Variants in PCDHA1 observed in about 807,000 individuals in gnomAD.
The protein encoded by PCDHA1 is protocadherin alpha 1, also known as protocadherin alpha-1.
In PCDHA1, 42 loss-of-function variants were observed where a neutral mutation model predicts 61.3. That is an observed-to-expected ratio of 0.69 (90% confidence interval 0.54 to 0.89). The LOEUF (loss-of-function observed/expected upper bound fraction) is 0.89. PCDHA1 is among the 40% of genes least tolerant of loss of function. PCDHA1 has a pLI of 0.00. For missense variants in PCDHA1, 1,256 were observed against 1,235.3 expected, an observed-to-expected ratio of 1.02 and a Z score of -0.25; for synonymous variants, 610 against 553.8, an observed-to-expected ratio of 1.10 and a Z score of -1.43.
chr5:140,919,847 G>A (rs1309572866), intron 1 of PCDHA1, among the ~76,000 whole-genome samples: 1 of 152,200 alleles, frequency 6.6e-6, no homozygotes, highest in East Asian at 1.9e-4. Flanking sequence ...TTTGGAACCT[G>A]TGACCTCATT....
At chr5:140,803,406 C>T in intron 1 of PCDHA1, 1 of 1,614,226 alleles carries the variant, frequency 6.2e-7, no homozygotes. Flanking sequence ...GCCGGGCAAG[C>T]CCACGCTGGT....
At chr5:140,835,755 C>G (rs782724807) in intron 1 of PCDHA1, 1 of 1,613,410 alleles carries the variant, frequency 6.2e-7, no homozygotes, top group Non-Finnish European at 8.5e-7. Flanking sequence ...GTTCGCGCAG[C>G]CCGAGTATAC....
intron 1 of PCDHA1, among the ~76,000 whole-genome samples, chr5:140,944,007 C>T (rs1181625750): frequency 1.3e-5 from 2 of 152,046 alleles, no homozygotes; most frequent in Non-Finnish European, 2.9e-5. Flanking sequence ...TGAGTACCCC[C>T]CAAAAGCAAT....
intron 1 of PCDHA1, chr5:140,877,110 C>A (rs1554169339): frequency 1.1e-5 from 18 of 1,613,500 alleles, no homozygotes; most frequent in Middle Eastern, 1.7e-4. Flanking sequence ...CGCCTCTGGG[C>A]AGCAACGTGA....
At chr5:140,872,270 T>G (rs1246364406) in intron 1 of PCDHA1, among the ~76,000 whole-genome samples, 1 of 152,172 alleles carries the variant, frequency 6.6e-6, no homozygotes, top group African/African-American at 2.4e-5. Context: ...TCATATTGTT[T>G]GAAGAAAAAA....
intron 1 of PCDHA1, chr5:140,870,398 C>T: frequency 1.2e-6 from 2 of 1,614,234 alleles, no homozygotes; most frequent in Non-Finnish European, 1.7e-6. Context: ...GGGGGTTCGC[C>T]TTCTCTGTGG....
chr5:140,870,746 TGACG>T, intron 1 of PCDHA1: 1 of 1,613,488 alleles, frequency 6.2e-7, no homozygotes, highest in Non-Finnish European at 8.5e-7. Context: ...AGCAGCAACG[TGACG>T]CTGCAGGTGT....
intron 3 of PCDHA1, among the ~76,000 whole-genome samples, chr5:141,000,018 A>G (rs2097889437): frequency 6.6e-6 from 1 of 152,038 alleles, no homozygotes; most frequent in East Asian, 1.9e-4. Flanking sequence ...CCCCATTGCT[A>G]AGCCTGACAT....
At chr5:140,929,241 T>TG (rs2085975080) in intron 1 of PCDHA1, 1 of 1,613,878 alleles carries the variant, frequency 6.2e-7, no homozygotes. Context: ...TGCGAAATCT[T>TG]GCCACTGGGG....
At position 140,787,860 on chromosome 5, in the gene PCDHA1, G is replaced by A; in HGVS notation, c.1570G>A (p.Asp524Asn). Residue 524 changes from aspartate (D) to asparagine (N), a missense_variant, in exon 1 of 4, where the codon GAC (aspartate) becomes AAC (asparagine). Physicochemically the swap from Asp to Asn is conservative, Grantham distance 23. Coordinates refer to ENST00000504120, the MANE Select transcript of PCDHA1 (RefSeq NM_018900.4). ...SGKVYALQPL[D>N]HEELELLQFQ... ...CAAGGTGTACGCACTGCAGCCCCTGGACCACGAGGAGCTGGAGCTGCTGCA... is the reference window on the plus strand; with the variant it reads ...CAAGGTGTACGCACTGCAGCCCCTGAACCACGAGGAGCTGGAGCTGCTGCA... The A allele has an allele frequency of 2.5e-6, 4 of 1,613,008 alleles. No homozygotes were observed. Among genetic ancestry groups the A allele is most frequent in the Non-Finnish European group, 3.4e-6 (4 of 1,179,840 alleles).
At chr5:140,916,606 C>A (rs561641984) in intron 1 of PCDHA1, among the ~76,000 whole-genome samples, 1 of 152,168 alleles carries the variant, frequency 6.6e-6, no homozygotes, top group African/African-American at 2.4e-5. Context: ...GGAATGCGGG[C>A]CTCATGACTC....
At chr5:141,001,975 G>C (rs900969211) in intron 3 of PCDHA1, among the ~76,000 whole-genome samples, 8 of 152,184 alleles carry the variant, frequency 5.3e-5, no homozygotes, top group African/African-American at 1.9e-4. Flanking sequence ...GTCTCTGCGC[G>C]GAAAGCCTGG....
In PCDHA1 at chr5:140,882,469, G is replaced by C; in HGVS notation, c.2394+93785G>C. Reference sequence around the variant, plus strand: ...TGGTGCCGCGCCTGTTCCGGGTGGCGTCCAAAAGACACGGGGACCTTCTGG... The same window carrying C: ...TGGTGCCGCGCCTGTTCCGGGTGGCCTCCAAAAGACACGGGGACCTTCTGG... On this transcript the variant is annotated intron_variant, in intron 1 of 3. Coordinates refer to ENST00000504120, the MANE Select transcript of PCDHA1 (RefSeq NM_018900.4). The C allele has an allele frequency of 1.2e-6, 2 of 1,614,032 alleles. 1 individual carries two copies. Among genetic ancestry groups the C allele is most frequent in the South Asian group, 2.2e-5 (2 of 91,072 alleles).
chr5:140,805,556 G>A, intron 1 of PCDHA1: 1 of 977,096 alleles, frequency 1.0e-6, no homozygotes, highest in Non-Finnish European at 1.2e-6. Context: ...GGATATAGGA[G>A]GCAAGGAAAG....
intron 1 of PCDHA1, among the ~76,000 whole-genome samples, chr5:140,889,730 A>C (rs1554184026): frequency 6.6e-6 from 1 of 152,198 alleles, no homozygotes; most frequent in East Asian, 1.9e-4. Flanking sequence ...TGTCTCACTG[A>C]GTAGCAGAGT....
intron 1 of PCDHA1, among the ~76,000 whole-genome samples, chr5:140,962,617 G>A (rs189225320): frequency 3.8e-4 from 58 of 152,276 alleles, no homozygotes; most frequent in Non-Finnish European, 1.9e-4. Context: ...GAGGAAGGGA[G>A]ATGTGAAAAA....
rs1250461159 is a variant in PCDHA1 at position 140,856,238 on chromosome 5, C to A, written c.2394+67554C>A. 4 of 1,597,820 alleles carry A rather than the reference C, an allele frequency of 2.5e-6. 1 individual carries two copies. Among genetic ancestry groups the A allele is most frequent in the African/African-American group, 1.3e-5 (1 of 74,234 alleles). On this transcript the variant is annotated intron_variant, in intron 1 of 3. Coordinates refer to ENST00000504120, the MANE Select transcript of PCDHA1 (RefSeq NM_018900.4). ...GGCGGAGCTGGTGCAGCGCCTGTTC[C>A]GGGTGGCGTCCAAAAGACACGGGGA... is the stretch of plus-strand genomic sequence containing the variant.
intron 1 of PCDHA1, chr5:140,870,911 A>C (rs782609021): frequency 6.2e-7 from 1 of 1,613,910 alleles, no homozygotes; most frequent in Non-Finnish European, 8.5e-7. Context: ...TCAGGCTACA[A>C]CGCGTGGCTT....
intron 3 of PCDHA1, among the ~76,000 whole-genome samples, chr5:141,006,057 A>G (rs2098253248): frequency 6.6e-6 from 1 of 152,022 alleles, no homozygotes. Context: ...AGAGTGGAGA[A>G]GAAATAAAAA....
Sources: gnomAD v4.1 joint callset for allele counts (sites outside exome capture counted in the v4.1 genomes callset) on GRCh38, gnomAD v4.1.1 for gene constraint, MANE v1.5 for transcripts, NCBI Gene and HGNC (gene_info 2026-07-23, HGNC 2026-07-21) for gene names.